TTC28: variants seen among roughly 807,000 people sequenced by gnomAD.
TTC28 encodes tetratricopeptide repeat domain 28.
TTC28 carries 61 observed loss-of-function variants against 198.0 expected under a neutral mutation model. The ratio of observed to expected loss-of-function variants is 0.31; its 90% confidence interval spans 0.25 to 0.38. TTC28 has a LOEUF of 0.38. Among genes scored for constraint, TTC28 ranks in the 10% least tolerant of loss-of-function variants. The pLI is 1.00. For missense variants in TTC28, 2,678 were observed against 3,164.0 expected, an observed-to-expected ratio of 0.85 and a Z score of 3.69; for synonymous variants, 1,171 against 1,297.8, an observed-to-expected ratio of 0.90 and a Z score of 2.10.
At chr22:28,166,748 T>C (rs1383832628) in intron 5 of TTC28, among the ~76,000 whole-genome samples, 1 of 151,980 alleles carries the variant, frequency 6.6e-6, no homozygotes, top group African/African-American at 2.4e-5. Flanking sequence ...TACCCTAACA[T>C]CACAATTAGA....
chr22:28,326,289 G>T (rs930328601), intron 2 of TTC28, among the ~76,000 whole-genome samples: 4 of 152,062 alleles, frequency 2.6e-5, no homozygotes, highest in African/African-American at 9.7e-5. Context: ...GCAATTAGTT[G>T]TTGCCAGGGT....
intron 2 of TTC28, among the ~76,000 whole-genome samples, chr22:28,460,248 C>T (rs1161752141): frequency 2.0e-5 from 3 of 151,852 alleles, no homozygotes; most frequent in Non-Finnish European, 4.4e-5. Flanking sequence ...GAGATAAAGT[C>T]GTGGGTAAAG....
At chr22:28,258,902 AGTGTGT>A (rs34572491) in intron 5 of TTC28, among the ~76,000 whole-genome samples, 2,840 of 147,816 alleles carry the variant, frequency 0.019, 29 homozygotes, top group Non-Finnish European at 0.027. Context: ...TTGGTTAAAG[AGTGTGT>A]GTGTGTGTGT....
intron 5 of TTC28, among the ~76,000 whole-genome samples, chr22:28,183,066 T>A (rs947549439): frequency 9.7e-5 from 14 of 144,432 alleles, no homozygotes; most frequent in African/African-American, 2.6e-4. Context: ...TTTTTTTTTT[T>A]AAATGTTGTA....
intron 2 of TTC28, among the ~76,000 whole-genome samples, chr22:28,434,035 G>A (rs1179492182): frequency 2.0e-5 from 3 of 152,088 alleles, no homozygotes; most frequent in Admixed American, 6.5e-5. Context: ...AAAGTATAAA[G>A]GGAGAACAAA....
intron 1 of TTC28, among the ~76,000 whole-genome samples, chr22:28,637,872 T>C (rs778579841): frequency 5.3e-5 from 8 of 151,900 alleles, no homozygotes; most frequent in Non-Finnish European, 1.2e-4. Flanking sequence ...ACAGAAAAGA[T>C]ATTCCACGCA....
At chr22:28,451,283 T>C (rs1457606174) in intron 2 of TTC28, among the ~76,000 whole-genome samples, 1 of 152,180 alleles carries the variant, frequency 6.6e-6, no homozygotes, top group Non-Finnish European at 1.5e-5. Flanking sequence ...GGTCATGTCT[T>C]CGCAGAAGGG....
rs982865168 is a variant in TTC28 at position 28,132,460 on chromosome 22, C to T, written c.1442-24057G>A. Among the ~76,000 whole-genome samples, 5 of 152,318 alleles carry T rather than the reference C, an allele frequency of 3.3e-5. No homozygotes were observed. In the East Asian group the frequency reaches 9.6e-4, roughly 29 times the overall value. On this transcript the variant is annotated intron_variant, in intron 6 of 22. Coordinates refer to ENST00000397906, the MANE Select transcript of TTC28 (RefSeq NM_001145418.2). ...GTTCTCTTCTTGGCTCAGTATAAAT[C>T]TGTTGTGTGATCTCATGTTAGTCAA...
intron 2 of TTC28, among the ~76,000 whole-genome samples, chr22:28,393,106 C>G (rs2046760750): frequency 6.6e-6 from 1 of 152,174 alleles, no homozygotes; most frequent in South Asian, 2.1e-4. Flanking sequence ...TGGTCTCAAA[C>G]TCCTGGGCTC....
In TTC28 at chr22:28,586,950, G is replaced by A. The variant is rs536507501; in HGVS notation, c.381+42602C>T. Among the ~76,000 whole-genome samples, 27 of 152,262 alleles carry A rather than the reference G, an allele frequency of 1.8e-4. No homozygotes were observed. The South Asian group carries it at 2.9e-3, about 16-fold the overall frequency. On this transcript the variant is annotated intron_variant, in intron 2 of 22. Transcript: ENST00000397906. The stretch of plus-strand genomic sequence containing the variant: ...TTAATAATTTTATAACTGGCAGGGT[G>A]GTAGCTCACGTGTGTAATCTCAGCA...
chr22:28,058,037 C>T (rs754331353), intron 12 of TTC28, among the ~76,000 whole-genome samples: 8 of 152,074 alleles, frequency 5.3e-5, no homozygotes, highest in Middle Eastern at 3.2e-3. Context: ...TCCAACTTCA[C>T]CTTTTTTTCC....
rs188965222 is a variant in TTC28 at position 28,625,332 on chromosome 22, C to G, written c.381+4220G>C. ...AAAATCCCAAGGAATCTGCAAAAAT[C>G]CTACTAGAAATTAAAAGCAAATTTA... On this transcript the variant is annotated intron_variant, in intron 2 of 22. Coordinates refer to ENST00000397906, the MANE Select transcript of TTC28 (RefSeq NM_001145418.2). Among the ~76,000 whole-genome samples the G allele has an allele frequency of 4.8e-3, 734 of 152,260 alleles. 3 individuals are homozygous for G. Among genetic ancestry groups the G allele is most frequent in the Admixed American group, 7.2e-3 (110 of 15,282 alleles).
intron 2 of TTC28, among the ~76,000 whole-genome samples, chr22:28,625,011 T>C (rs888705603): frequency 7.9e-5 from 12 of 152,050 alleles, no homozygotes; most frequent in South Asian, 2.1e-4. Context: ...ATAATTTCAA[T>C]AGATGAAGAA....
intron 5 of TTC28, among the ~76,000 whole-genome samples, chr22:28,245,505 C>T (rs552218375): frequency 1.3e-5 from 2 of 152,230 alleles, no homozygotes; most frequent in Admixed American, 1.3e-4. Context: ...AAATGGTATA[C>T]TCAGAACTTA....
chr22:28,550,949 T>C (rs907783102), intron 2 of TTC28, among the ~76,000 whole-genome samples: 1 of 151,932 alleles, frequency 6.6e-6, no homozygotes, highest in Non-Finnish European at 1.5e-5. Context: ...GCAATAGCAG[T>C]TAAAAAAGAC....
At chr22:28,522,302 C>T (rs985056549) in intron 2 of TTC28, among the ~76,000 whole-genome samples, 2 of 152,202 alleles carry the variant, frequency 1.3e-5, no homozygotes, top group South Asian at 4.1e-4. Flanking sequence ...GCCTGGCCAA[C>T]ATGATGAAAC....
chr22:27,987,042 A>C (rs1408482740), intron 21 of TTC28, among the ~76,000 whole-genome samples: 1 of 152,136 alleles, frequency 6.6e-6, no homozygotes, highest in Non-Finnish European at 1.5e-5. Flanking sequence ...ATTGCTGAGG[A>C]CTGGAAAGGG....
At chr22:28,130,547 A>G (rs1943037947) in intron 6 of TTC28, among the ~76,000 whole-genome samples, 1 of 152,252 alleles carries the variant, frequency 6.6e-6, no homozygotes, top group Non-Finnish European at 1.5e-5. Flanking sequence ...ATCTAGCTTT[A>G]CATATAAATA....
intron 1 of TTC28, among the ~76,000 whole-genome samples, chr22:28,647,683 C>T (rs1163275698): frequency 6.6e-6 from 1 of 150,486 alleles, no homozygotes; most frequent in Non-Finnish European, 1.5e-5. Context: ...ACTAAAAATA[C>T]AAAAAATTAG....
Sources: allele counts gnomAD v4.1 joint callset (sites outside exome capture counted in the v4.1 genomes callset), GRCh38; gene constraint gnomAD v4.1.1; transcripts MANE v1.5; gene names NCBI Gene and HGNC (gene_info 2026-07-23, HGNC 2026-07-21).